The following SLC30A6 variants were observed in gnomAD, a reference collection of about 807,000 sequenced individuals.
SLC30A6 encodes solute carrier family 30 member 6.
SLC30A6 carries 55 observed loss-of-function variants against 63.0 expected under a neutral mutation model. The ratio of observed to expected loss-of-function variants is 0.87; its 90% confidence interval spans 0.70 to 1.09. The LOEUF is 1.09. Ranked by LOEUF, SLC30A6 falls within the 50% of genes least tolerant of loss-of-function variation. The pLI is 0.00. For synonymous variants in SLC30A6, 224 were observed against 186.1 expected, an observed-to-expected ratio of 1.20 and a Z score of -1.66; for missense variants, 587 against 549.2, an observed-to-expected ratio of 1.07 and a Z score of -0.69.
intron 8 of SLC30A6, among the ~76,000 whole-genome samples, chr2:32,195,202 G>A (rs1313986000): frequency 6.6e-6 from 1 of 150,634 alleles, no homozygotes; most frequent in Non-Finnish European, 1.5e-5. Context: ...TTGGTTCAAG[G>A]GGTTACAGGA....
chr2:32,199,275 T>G (rs1684058647), intron 10 of SLC30A6, among the ~76,000 whole-genome samples: 1 of 152,238 alleles, frequency 6.6e-6, no homozygotes, highest in African/African-American at 2.4e-5. Flanking sequence ...TTGCATTTCT[T>G]TGACTATTGT....
rs968547877 is a variant in SLC30A6, at chr2:32,223,018, C to G, written c.*2305C>G. On this transcript the variant is annotated 3_prime_UTR_variant, in exon 14 of 14. Transcript: ENST00000282587. ...CCACCAAAGGTGCTTTAATACCTAC[C>G]TTCACTATTTGAGAAAGGACACTCA... The G allele has an allele frequency of 1.3e-5, 2 of 152,202 alleles. No individual in the cohort carries two copies. Among genetic ancestry groups the G allele is most frequent in the African/African-American group, 2.4e-5 (1 of 41,438 alleles). The allele number at this position is 152,202 out of a possible 1,614,324, so 9.4% of individuals were successfully genotyped here.
In SLC30A6 at chr2:32,184,219, C is replaced by T. The variant is rs1009697268; in HGVS notation, c.219-54C>T. The T allele has an allele frequency of 9.9e-6, 10 of 1,008,722 alleles. No homozygotes were observed. The African/African-American group carries it at 1.2e-4, about 12-fold the overall frequency. 62.5% of individuals were successfully genotyped at this position (1,008,722 alleles called of 1,614,324 possible). A position where few individuals can be genotyped will look rare whatever the true frequency, so the allele number is the denominator to read the frequency against. On this transcript the variant is annotated intron_variant, in intron 4 of 13. Coordinates refer to ENST00000282587, the MANE Select transcript of SLC30A6 (RefSeq NM_017964.5). ...TAGGAATTCTGAAAACTTAATTTATCTTCACATGTTCTCTTCTAGTTCTAA... is the reference window on the plus strand; with the variant it reads ...TAGGAATTCTGAAAACTTAATTTATTTTCACATGTTCTCTTCTAGTTCTAA...
chr2:32,193,869 G>A lies in SLC30A6; in HGVS notation c.402-20G>A, dbSNP rs1683551110. 2 of 1,580,040 alleles carry A rather than the reference G, an allele frequency of 1.3e-6. No homozygotes were observed. The highest frequency in any genetic ancestry group is 2.2e-5 in the South Asian group (2 of 89,912). On this transcript the variant is annotated intron_variant, in intron 7 of 13. Coordinates refer to ENST00000282587, the MANE Select transcript of SLC30A6 (RefSeq NM_017964.5). ...TACCAAGAACAAATTAAAGGTGAAT[G>A]TTATCGTTGTTCTTTTTAGGGGAAG...
intron 4 of SLC30A6, among the ~76,000 whole-genome samples, chr2:32,180,251 A>T (rs1682176240): frequency 6.6e-6 from 1 of 152,034 alleles, no homozygotes; most frequent in Non-Finnish European, 1.5e-5. Flanking sequence ...AAAATTTTAA[A>T]AATTAGCCAA....
At chr2:32,190,908 T>C (rs212749) in intron 5 of SLC30A6, among the ~76,000 whole-genome samples, 79,668 of 151,998 alleles carry the variant, frequency 0.52, 21,135 homozygotes, top group African/African-American at 0.56. Context: ...CATGTGTGAG[T>C]CACCGCGCCT....
chr2:32,188,117 G>C (rs535448529), intron 5 of SLC30A6, among the ~76,000 whole-genome samples: 1 of 152,002 alleles, frequency 6.6e-6, no homozygotes, highest in Non-Finnish European at 1.5e-5. Flanking sequence ...GGCCTCTATA[G>C]GATACTGACT....
At chr2:32,201,699 A>T in intron 10 of SLC30A6, 2 of 1,437,636 alleles carry the variant, frequency 1.4e-6, no homozygotes, top group South Asian at 2.4e-5. Context: ...CTTTATGGAT[A>T]TCACAGTTTC....
intron 11 of SLC30A6, among the ~76,000 whole-genome samples, chr2:32,204,956 C>A (rs1212832927): frequency 6.6e-6 from 1 of 151,714 alleles, no homozygotes; most frequent in East Asian, 1.9e-4. Flanking sequence ...AAACTACAGG[C>A]ACACACCACC....
chr2:32,170,272 G>A (rs1257044552), intron 1 of SLC30A6, among the ~76,000 whole-genome samples: 1 of 152,020 alleles, frequency 6.6e-6, no homozygotes, highest in African/African-American at 2.4e-5. Flanking sequence ...TAACGGTAAG[G>A]GTGAAACATT....
intron 10 of SLC30A6, chr2:32,201,625 A>G: frequency 6.6e-7 from 1 of 1,514,514 alleles, no homozygotes; most frequent in Non-Finnish European, 9.0e-7. Context: ...CTCTGGGGGT[A>G]CATTATGGAA....
chr2:32,165,913 C>G lies in SLC30A6; in HGVS notation c.3+10C>G. On this transcript the variant is annotated intron_variant, in intron 1 of 13. Transcript: ENST00000282587. ...GCAGCTCCTTATCATGGTGAGTTGG[C>G]TGTTGGGGTGAGGGTTTCGGCTGTA... 5 of 1,614,168 alleles carry G rather than the reference C, an allele frequency of 3.1e-6. No homozygotes were observed. Among genetic ancestry groups the G allele is most frequent in the Non-Finnish European group, 2.5e-6 (3 of 1,179,996 alleles).
At chr2:32,184,485 C>T (rs937970239) in intron 5 of SLC30A6, 147 bp downstream of exon 5, 2 of 439,290 alleles carry the variant, frequency 4.6e-6, no homozygotes, top group Non-Finnish European at 3.9e-6. Flanking sequence ...AATAGATAGG[C>T]TGGGCACAGT....
intron 5 of SLC30A6, among the ~76,000 whole-genome samples, 157 bp from the exon 6 acceptor site, chr2:32,192,179 A>T (rs375974020): frequency 2.0e-5 from 3 of 152,018 alleles, no homozygotes; most frequent in African/African-American, 7.2e-5. Flanking sequence ...GTTTATTATT[A>T]TTCTAGAAAC....
At chr2:32,187,735 C>G (rs1682962248) in intron 5 of SLC30A6, among the ~76,000 whole-genome samples, 1 of 152,120 alleles carries the variant, frequency 6.6e-6, no homozygotes, top group Non-Finnish European at 1.5e-5. Context: ...TTGTAGTTTT[C>G]CCCGTCTCAG....
At chr2:32,216,206 G>T (rs894948936) in intron 13 of SLC30A6, among the ~76,000 whole-genome samples, 1 of 152,118 alleles carries the variant, frequency 6.6e-6, no homozygotes, top group African/African-American at 2.4e-5. Flanking sequence ...TTTCTCTGCA[G>T]CCTCACCAGC....
chr2:32,221,754 C>T lies in SLC30A6; in HGVS notation c.*1041C>T, dbSNP rs888409886. 2 of 152,102 alleles carry T rather than the reference C, an allele frequency of 1.3e-5. No individual in the cohort carries two copies. The highest frequency in any genetic ancestry group is 2.9e-5 in the Non-Finnish European group (2 of 68,014). 9.4% of individuals were successfully genotyped at this position (152,102 alleles called of 1,614,324 possible). On this transcript the variant is annotated 3_prime_UTR_variant, in exon 14 of 14. Coordinates refer to ENST00000282587, the MANE Select transcript of SLC30A6 (RefSeq NM_017964.5). ...ACATTTGTAAATAGTCCATGGTTCT[C>T]AGTGTTTTATTTTGATTAAGTGACT...
At chr2:32,216,624 A>T (rs965459187) in intron 13 of SLC30A6, among the ~76,000 whole-genome samples, 19 of 151,968 alleles carry the variant, frequency 1.3e-4, no homozygotes, top group African/African-American at 4.6e-4. Flanking sequence ...GTAGGATGGT[A>T]TCTCATTGTG....
chr2:32,176,908 G>A (rs1005732014), intron 4 of SLC30A6, among the ~76,000 whole-genome samples: 1 of 151,806 alleles, frequency 6.6e-6, no homozygotes, highest in African/African-American at 2.4e-5. Context: ...AAGTAGCTGG[G>A]AATACAGACA....
Sources: allele counts gnomAD v4.1 joint callset (sites outside exome capture counted in the v4.1 genomes callset), GRCh38; gene constraint gnomAD v4.1.1; transcripts MANE v1.5; gene names NCBI Gene and HGNC (gene_info 2026-07-23, HGNC 2026-07-21).